Variants in ADPRS observed in about 807,000 individuals in gnomAD.
ADPRS encodes ADP-ribosylhydrolase ARH3.
Under a neutral mutation model 32.1 loss-of-function variants are expected in ADPRS, and 25 were observed. That is an observed-to-expected ratio of 0.78 (90% CI 0.57 to 1.09). ADPRS has a LOEUF of 1.09. Among genes scored for constraint, ADPRS ranks in the 50% least tolerant of loss-of-function variants. ADPRS has a pLI of 0.00. For missense variants in ADPRS, 482 were observed against 480.6 expected, an observed-to-expected ratio of 1.00 and a Z score of -0.03; for synonymous variants, 225 against 201.0, an observed-to-expected ratio of 1.12 and a Z score of -1.01.
intron 1 of ADPRS, among the ~76,000 whole-genome samples, chr1:36,091,028 G>A (rs1247313609): frequency 6.6e-6 from 1 of 152,114 alleles, no homozygotes; most frequent in Admixed American, 6.6e-5. Context: ...AAGTAGCTGG[G>A]TGTGATGATG....
At position 36,091,690 on chromosome 1, in the gene ADPRS, C is replaced by T; in HGVS notation, c.381C>T (p.Leu127=). ...GAGVVTVFKK[L]LNPKCRDVFE... Reference sequence around the variant, plus strand: ...GAGTAGTCACTGTCTTCAAGAAGCTCCTGAACCCCAAATGTCGCGATGTCT... The same window carrying T: ...GAGTAGTCACTGTCTTCAAGAAGCTTCTGAACCCCAAATGTCGCGATGTCT... The change falls in exon 3 of 6, where the codon CTC becomes CTT. Residue 127 remains leucine (L), a synonymous_variant. Coordinates refer to ENST00000373178, the MANE Select transcript of ADPRS (RefSeq NM_017825.3). 6.2e-7 allele frequency: 1 copy of T among 1,613,912 alleles called. No individual in the cohort carries two copies. The highest frequency in any genetic ancestry group is 2.2e-5 in the East Asian group (1 of 44,882).
In ADPRS at chr1:36,093,334, A is replaced by C. The variant is rs1643512163; in HGVS notation, c.1040A>C (p.Glu347Ala). 1.2e-6 allele frequency: 2 copies of C among 1,614,238 alleles called. No individual in the cohort carries two copies. Among genetic ancestry groups the C allele is most frequent in the Non-Finnish European group, 1.7e-6 (2 of 1,180,040 alleles). ...TGGCAGCAAAGCTGTGAAGGCTACG[A>C]GGAGACAGACATCCTGGCCCAAAGC... ...ESWQQSCEGY[E>A]ETDILAQSLH... The change falls in exon 6 of 6, where the codon GAG (glutamate) becomes GCG (alanine). Residue 347 changes from glutamate to alanine, a missense_variant. By Grantham distance (107) the Glu-to-Ala change is moderately radical. Coordinates refer to ENST00000373178, the MANE Select transcript of ADPRS (RefSeq NM_017825.3).
chr1:36,089,263 G>T (rs754262881), intron 1 of ADPRS, 148 bp downstream of exon 1: 1 of 944,902 alleles, frequency 1.1e-6, no homozygotes, highest in Non-Finnish European at 1.5e-6. Flanking sequence ...GACAGCTTGA[G>T]CTCAGCGAGT....
At chr1:36,090,282 A>G (rs1643461519) in intron 1 of ADPRS, among the ~76,000 whole-genome samples, 1 of 152,176 alleles carries the variant, frequency 6.6e-6, no homozygotes, top group Non-Finnish European at 1.5e-5. Flanking sequence ...CAACATGGCA[A>G]GATCCTGTCT....
intron 1 of ADPRS, among the ~76,000 whole-genome samples, chr1:36,089,601 C>G (rs932551075): frequency 2.0e-5 from 3 of 152,166 alleles, no homozygotes; most frequent in Admixed American, 6.5e-5. Context: ...ACCACCAGCC[C>G]GTTCTCCACC....
At chr1:36,089,192 G>C in intron 1 of ADPRS, 77 bp downstream of exon 1, 1 of 1,356,644 alleles carries the variant, frequency 7.4e-7, no homozygotes. Flanking sequence ...GGGGCGACGG[G>C]TCGGGGGTGC....
In ADPRS at chr1:36,093,481, T is replaced by C. The variant is rs1643514925; in HGVS notation, c.*95T>C. ...CGCTTCCTTGAGTGTGGCTTCCCAC[T>C]TTTCCTGCATTGTGGAGCTGACTGA... is the stretch of plus-strand genomic sequence containing the variant. On this transcript the variant is annotated 3_prime_UTR_variant, in exon 6 of 6. Transcript: ENST00000373178. The C allele has an allele frequency of 6.7e-7, 1 of 1,482,008 alleles. No homozygotes were observed. Among genetic ancestry groups the C allele is most frequent in the African/African-American group, 1.4e-5 (1 of 71,380 alleles). 91.8% of individuals were successfully genotyped at this position (1,482,008 alleles called of 1,614,324 possible).
rs1241863423 is a variant in ADPRS, at chr1:36,089,065, A to G, written c.161A>G (p.His54Arg). 6.8e-7 allele frequency: 1 copy of G among 1,461,088 alleles called. No individual in the cohort carries two copies. Among genetic ancestry groups the G allele is most frequent in the South Asian group, 1.4e-5 (1 of 69,676 alleles). The allele number at this position is 1,461,088 out of a possible 1,614,324, so 90.5% of individuals were successfully genotyped here. A position where few individuals can be genotyped will look rare whatever the true frequency, so the allele number is the denominator to read the frequency against. The change falls in exon 1 of 6, where the codon CAT becomes CGT. Residue 54 changes from histidine to arginine, a missense_variant. Transcript: ENST00000373178. ...DTVDLTSVLR[H>R]VQSLEPDPGT... ...GTCGACCTGACGTCAGTCCTGCGTC[A>G]TGTCCAGAGTCTGGAGCCGGACCCC... is the stretch of plus-strand genomic sequence containing the variant.
rs1208775463 is a variant in ADPRS, at chr1:36,093,912, AAC to A, written c.*528_*529del. On this transcript the variant is annotated 3_prime_UTR_variant, in exon 6 of 6. Transcript: ENST00000373178. Reference sequence around the variant, plus strand: ...ACAGCTTCCAGTGGAAGTCGCAATAAACAGTTTTTGGTAAATCTCACCACTGT... The same window carrying A: ...ACAGCTTCCAGTGGAAGTCGCAATAAAGTTTTTGGTAAATCTCACCACTGT... 6.3e-6 allele frequency: 1 copy of A among 158,522 alleles called. No individual in the cohort carries two copies. The highest frequency in any genetic ancestry group is 1.8e-4 in the East Asian group (1 of 5,408). 9.8% of individuals were successfully genotyped at this position (158,522 alleles called of 1,614,324 possible).
rs1643519294 is a variant in ADPRS at position 36,093,773 on chromosome 1, G to GC, written c.*388dup. ...CTGTTGGGTTTTAGCCAGTTTGCCA[G>GC]CAAGCGCATCCTAGCAGGGTCCCCG... On this transcript the variant is annotated 3_prime_UTR_variant, in exon 6 of 6. Coordinates refer to ENST00000373178, the MANE Select transcript of ADPRS (RefSeq NM_017825.3). The GC allele has an allele frequency of 5.2e-6, 1 of 192,968 alleles. No homozygotes were observed. The highest frequency in any genetic ancestry group is 2.3e-5 in the African/African-American group (1 of 43,566). 12.0% of individuals were successfully genotyped at this position (192,968 alleles called of 1,614,324 possible).
intron 1 of ADPRS, among the ~76,000 whole-genome samples, chr1:36,089,862 C>A (rs1157016326): frequency 6.6e-6 from 1 of 152,162 alleles, no homozygotes; most frequent in African/African-American, 2.4e-5. Flanking sequence ...ACTAACTTCC[C>A]TTCCCTTGTG....
At position 36,093,561 on chromosome 1, in the gene ADPRS, G is replaced by A. The variant is rs1411711923; in HGVS notation, c.*175G>A. 7 of 805,370 alleles carry A rather than the reference G, an allele frequency of 8.7e-6. No homozygotes were observed. In the South Asian group the frequency reaches 1.3e-4, roughly 15 times the overall value. The allele number at this position is 805,370 out of a possible 1,614,324, so 49.9% of individuals were successfully genotyped here. A position where few individuals can be genotyped will look rare whatever the true frequency, so the allele number is the denominator to read the frequency against. ...GGGAGGTCACTGGAACAGCGAGCAA[G>A]GGACTGGTGCCTCGCTGGTGCTGGG... is the stretch of plus-strand genomic sequence containing the variant. On this transcript the variant is annotated 3_prime_UTR_variant, in exon 6 of 6. Coordinates refer to ENST00000373178, the MANE Select transcript of ADPRS (RefSeq NM_017825.3).
Position 36,093,678 on chromosome 1 carries a change from C to A in ADPRS, c.*292C>A. On this transcript the variant is annotated 3_prime_UTR_variant, in exon 6 of 6. Coordinates refer to ENST00000373178, the MANE Select transcript of ADPRS (RefSeq NM_017825.3). Reference sequence around the variant, plus strand: ...GTTTATTTTGGAGGGGTACTTGTGGCATTTTCCTGTATTGTCTTGGACATG... The same window carrying A: ...GTTTATTTTGGAGGGGTACTTGTGGAATTTTCCTGTATTGTCTTGGACATG... 2.5e-6 allele frequency: 1 copy of A among 396,410 alleles called. No homozygotes were observed. Among genetic ancestry groups the A allele is most frequent in the Non-Finnish European group, 4.6e-6 (1 of 216,066 alleles). 24.6% of individuals were successfully genotyped at this position (396,410 alleles called of 1,614,324 possible).
At position 36,093,209 on chromosome 1, in the gene ADPRS, C is replaced by T. The variant is rs1432028420; in HGVS notation, c.915C>T (p.Leu305=). ...PSAFNSLQRT[L]IYSISLGGDT... ...CCTTCAATAGCCTCCAAAGGACTCTCATTTATTCCATCTCACTTGGTGGGG... is the reference window on the plus strand; with the variant it reads ...CCTTCAATAGCCTCCAAAGGACTCTTATTTATTCCATCTCACTTGGTGGGG... The change falls in exon 6 of 6, where the codon CTC becomes CTT. Residue 305 remains leucine (L), a synonymous_variant. Transcript: ENST00000373178. The T allele has an allele frequency of 6.2e-7, 1 of 1,614,242 alleles. No homozygotes were observed. The highest frequency in any genetic ancestry group is 8.5e-7 in the Non-Finnish European group (1 of 1,180,054).
intron 1 of ADPRS, among the ~76,000 whole-genome samples, chr1:36,089,499 A>G (rs372249648): frequency 2.0e-5 from 3 of 152,292 alleles, no homozygotes; most frequent in African/African-American, 7.2e-5. Flanking sequence ...CAGAAAGCCG[A>G]AAAAAACTTA....
chr1:36,091,943 T>G lies in ADPRS; in HGVS notation c.550T>G (p.Ser184Ala), dbSNP rs1260576164. 30 of 1,609,768 alleles carry G rather than the reference T, an allele frequency of 1.9e-5. No individual in the cohort carries two copies. The highest frequency in any genetic ancestry group is 2.4e-5 in the Non-Finnish European group (28 of 1,176,900). ...ARLSAQLTHA[S>A]SLGYNGAILQ... The stretch of plus-strand genomic sequence containing the variant: ...GCTCTCGGCCCAGCTGACACACGCC[T>G]CCTCCCTGGGTTACAATGGCGCCAT... Residue 184 changes from serine (S) to alanine (A), a missense_variant, in exon 4 of 6, where the codon TCC becomes GCC. Physicochemically the swap from Ser to Ala is moderately conservative, Grantham distance 99. Transcript: ENST00000373178.
chr1:36,091,530 C>T, intron 2 of ADPRS, 88 bp from the exon 3 acceptor site: 1 of 1,389,940 alleles, frequency 7.2e-7, no homozygotes, highest in South Asian at 1.4e-5. Flanking sequence ...GAGGCTTTCT[C>T]TTTTTCCAAA....
intron 1 of ADPRS, among the ~76,000 whole-genome samples, chr1:36,089,743 C>CTGACAA (rs1352270812): frequency 6.6e-6 from 1 of 152,230 alleles, no homozygotes; most frequent in Non-Finnish European, 1.5e-5. Flanking sequence ...CCCTCCCACA[C>CTGACAA]GTCTGCAGTT....
In ADPRS at chr1:36,093,692, G is replaced by T. The variant is rs1253251282; in HGVS notation, c.*306G>T. On this transcript the variant is annotated 3_prime_UTR_variant, in exon 6 of 6. Transcript: ENST00000373178. ...GGTACTTGTGGCATTTTCCTGTATTGTCTTGGACATGGGATGTGGGGAGGT... is the reference window on the plus strand; with the variant it reads ...GGTACTTGTGGCATTTTCCTGTATTTTCTTGGACATGGGATGTGGGGAGGT... The T allele has an allele frequency of 1.5e-5, 5 of 343,160 alleles. No homozygotes were observed. Among genetic ancestry groups the T allele is most frequent in the Non-Finnish European group, 2.7e-5 (5 of 184,226 alleles). 21.3% of individuals were successfully genotyped at this position (343,160 alleles called of 1,614,324 possible). A position where few individuals can be genotyped will look rare whatever the true frequency, so the allele number is the denominator to read the frequency against.
Sources: gnomAD v4.1 joint callset for allele counts (sites outside exome capture counted in the v4.1 genomes callset) on GRCh38, gnomAD v4.1.1 for gene constraint, MANE v1.5 for transcripts, NCBI Gene and HGNC (gene_info 2026-07-23, HGNC 2026-07-21) for gene names.